The following DNAAF4 variants were observed in gnomAD, a reference collection of about 807,000 sequenced individuals.
DNAAF4 encodes the protein dynein assembly factor 4, axonemal.
A neutral mutation model predicts 51.8 loss-of-function variants in DNAAF4; 43 were observed. That is an observed-to-expected ratio of 0.83 (90% CI 0.65 to 1.07). DNAAF4 has a LOEUF of 1.07. Ranked by LOEUF, DNAAF4 falls within the 50% of genes least tolerant of loss-of-function variation. The probability of loss-of-function intolerance (pLI) is 0.00; values close to 1 mark genes in which losing one functional copy is unlikely to be tolerated. For synonymous variants in DNAAF4, 194 were observed against 165.6 expected, an observed-to-expected ratio of 1.17 and a Z score of -1.32; for missense variants, 581 against 493.0, an observed-to-expected ratio of 1.18 and a Z score of -1.69.
At chr15:55,501,342 G>T (rs1412084754) in intron 1 of DNAAF4, among the ~76,000 whole-genome samples, 2 of 148,374 alleles carry the variant, frequency 1.3e-5, no homozygotes, top group African/African-American at 5.0e-5. Context: ...GATTACAGGC[G>T]TGAGCCACTG....
chr15:55,463,916 C>A (rs1167714288), intron 5 of DNAAF4, among the ~76,000 whole-genome samples: 1 of 152,018 alleles, frequency 6.6e-6, no homozygotes, highest in South Asian at 2.1e-4. Context: ...CAATTCCCAT[C>A]AAAATATCAT....
intron 3 of DNAAF4, among the ~76,000 whole-genome samples, chr15:55,492,662 C>G (rs538125202): frequency 2.0e-3 from 303 of 152,098 alleles, no homozygotes; most frequent in African/African-American, 6.8e-3. Flanking sequence ...GCCTCAGCCT[C>G]CCAAGTAGCC....
chr15:55,431,103 T>C (rs928781449), intron 9 of DNAAF4, among the ~76,000 whole-genome samples: 3 of 151,810 alleles, frequency 2.0e-5, no homozygotes, highest in Non-Finnish European at 4.4e-5. Flanking sequence ...TTAGTAGAGA[T>C]GGGGTTTCAC....
chr15:55,491,710 T>G (rs1251962667), intron 3 of DNAAF4, among the ~76,000 whole-genome samples: 5 of 139,596 alleles, frequency 3.6e-5, no homozygotes, highest in Non-Finnish European at 7.6e-5. Context: ...TTATATACTA[T>G]TATTATATAA....
chr15:55,434,002 T>C (rs866287406), intron 8 of DNAAF4, among the ~76,000 whole-genome samples: 33 of 63,630 alleles, frequency 5.2e-4, no homozygotes, highest in Non-Finnish European at 9.3e-4. Flanking sequence ...TATAATATTA[T>C]ATATATTATA....
chr15:55,472,454 C>T (rs1430005181), intron 4 of DNAAF4, among the ~76,000 whole-genome samples: 1 of 151,888 alleles, frequency 6.6e-6, no homozygotes, highest in Non-Finnish European at 1.5e-5. Flanking sequence ...CCCATCTATA[C>T]TAATAATACA....
At chr15:55,446,419 G>T (rs2057817284) in intron 6 of DNAAF4, among the ~76,000 whole-genome samples, 1 of 146,016 alleles carries the variant, frequency 6.8e-6, no homozygotes, top group African/African-American at 2.6e-5. Flanking sequence ...TTCCCAGACG[G>T]GGCGGCCGGG....
intron 4 of DNAAF4, among the ~76,000 whole-genome samples, chr15:55,468,128 A>G (rs571588468): frequency 6.6e-6 from 1 of 152,216 alleles, no homozygotes; most frequent in Non-Finnish European, 1.5e-5. Context: ...AGTTTCATTA[A>G]TGTACATTTA....
At chr15:55,473,327 A>ATATATATGTATC (rs2058291934) in intron 4 of DNAAF4, among the ~76,000 whole-genome samples, 3 of 142,344 alleles carry the variant, frequency 2.1e-5, no homozygotes, top group African/African-American at 5.3e-5. Flanking sequence ...ATGTGTGTAT[A>ATATATATGTATC]TATATGTGTG....
chr15:55,436,626 C>T (rs924867926), intron 7 of DNAAF4, among the ~76,000 whole-genome samples: 1 of 152,080 alleles, frequency 6.6e-6, no homozygotes, highest in African/African-American at 2.4e-5. Flanking sequence ...CTCAGGTAAT[C>T]CACCCACCTT....
intron 7 of DNAAF4, among the ~76,000 whole-genome samples, chr15:55,439,070 C>A (rs1210343244): frequency 6.6e-6 from 1 of 152,170 alleles, no homozygotes; most frequent in Non-Finnish European, 1.5e-5. Context: ...CAACAACACA[C>A]AAACAGACAA....
intron 3 of DNAAF4, among the ~76,000 whole-genome samples, chr15:55,496,275 C>T (rs1044039257): frequency 6.6e-6 from 1 of 152,144 alleles, no homozygotes; most frequent in Admixed American, 6.6e-5. Flanking sequence ...TTTGGCTGCA[C>T]ATTATAATTC....
At chr15:55,422,348 C>T (rs2141382138) in intron 7 of DNAAF4, among the ~76,000 whole-genome samples, 1 of 152,098 alleles carries the variant, frequency 6.6e-6, no homozygotes, top group East Asian at 1.9e-4. Context: ...GAATATACAA[C>T]TTGAATTCAA....
chr15:55,425,394 A>C (rs758328506), downstream of DNAAF4, among the ~76,000 whole-genome samples: 15 of 152,140 alleles, frequency 9.9e-5, no homozygotes, highest in Non-Finnish European at 1.3e-4. Flanking sequence ...GTAATTTTCC[A>C]TCCACTGACC....
intron 7 of DNAAF4, among the ~76,000 whole-genome samples, chr15:55,422,803 C>T (rs978895293): frequency 6.6e-5 from 10 of 152,072 alleles, no homozygotes; most frequent in African/African-American, 2.4e-4. Context: ...TTGAGACCAA[C>T]CTGGCCAACA....
intron 7 of DNAAF4, among the ~76,000 whole-genome samples, chr15:55,419,225 A>G (rs1159482990): frequency 6.6e-6 from 1 of 151,034 alleles, no homozygotes; most frequent in Non-Finnish European, 1.5e-5. Context: ...CAACACACTT[A>G]TATTTTTTAT....
chr15:55,476,949 T>C (rs952013360), intron 4 of DNAAF4, among the ~76,000 whole-genome samples: 3 of 152,112 alleles, frequency 2.0e-5, no homozygotes, highest in African/African-American at 7.2e-5. Context: ...GGCGGGTGGA[T>C]CACCTGAGGT....
chr15:55,433,946 A>ATATATTTTATATAT (rs2057556701), intron 8 of DNAAF4, among the ~76,000 whole-genome samples: 3 of 2,278 alleles, frequency 1.3e-3, no homozygotes, highest in Non-Finnish European at 1.2e-3. Flanking sequence ...AATATATATA[A>ATATATTTTATATAT]TATATATAAT....
At chr15:55,501,125 G>C (rs943954076) in intron 1 of DNAAF4, among the ~76,000 whole-genome samples, 25 of 151,392 alleles carry the variant, frequency 1.7e-4, no homozygotes, top group African/African-American at 5.8e-4. Flanking sequence ...GTGCAGTGGC[G>C]CGATCTCGGC....
Sources: gnomAD v4.1 joint callset for allele counts (sites outside exome capture counted in the v4.1 genomes callset) on GRCh38, gnomAD v4.1.1 for gene constraint, MANE v1.5 for transcripts, NCBI Gene and HGNC (gene_info 2026-07-23, HGNC 2026-07-21) for gene names.